Variants in SAMSN1 observed in about 807,000 individuals in gnomAD.
SAMSN1 encodes the protein SAM domain, SH3 domain and nuclear localization signals 1.
In SAMSN1, 31 loss-of-function variants were observed where a neutral mutation model predicts 42.0. The ratio of observed to expected loss-of-function variants is 0.74; its 90% CI spans 0.55 to 1.00. The LOEUF is 1.00. SAMSN1 is among the 50% of genes least tolerant of loss of function. SAMSN1 has a pLI of 0.00. For missense variants in SAMSN1, 464 were observed against 439.4 expected (o/e 1.06, Z -0.50); for synonymous variants, 178 against 151.9 (o/e 1.17, Z -1.26).
At chr21:14,486,219 G>T in intron 7 of SAMSN1, 105 bp from the exon 8 acceptor site, 1 of 753,584 alleles carries the variant, frequency 1.3e-6, no homozygotes, top group Non-Finnish European at 2.2e-6. Flanking sequence ...TTCTAACCAT[G>T]ACTTCATTAC....
intron 5 of SAMSN1, among the ~76,000 whole-genome samples, chr21:14,605,647 G>C (rs2123309692): frequency 6.6e-6 from 1 of 152,086 alleles, no homozygotes; most frequent in South Asian, 2.1e-4. Flanking sequence ...ACATTGAAGA[G>C]GCTGGCCAAA....
intron 7 of SAMSN1, among the ~76,000 whole-genome samples, chr21:14,590,128 G>A (rs1022894773): frequency 6.6e-6 from 1 of 152,066 alleles, no homozygotes; most frequent in Non-Finnish European, 1.5e-5. Flanking sequence ...CATGTATTAA[G>A]TGAAAAACCA....
chr21:14,610,052 T>C (rs1464340719), intron 4 of SAMSN1, among the ~76,000 whole-genome samples: 1 of 152,190 alleles, frequency 6.6e-6, no homozygotes, highest in African/African-American at 2.4e-5. Context: ...GTTTGAACAA[T>C]ATCAAATCTG....
intron 2 of SAMSN1, among the ~76,000 whole-genome samples, chr21:14,558,618 T>C (rs1031041050): frequency 2.0e-5 from 3 of 151,904 alleles, no homozygotes; most frequent in African/African-American, 7.3e-5. Context: ...GAGATGGAGG[T>C]TGCAGTGAGC....
intron 6 of SAMSN1, chr21:14,598,091 C>A (rs1982323127): frequency 1.3e-5 from 2 of 151,976 alleles, no homozygotes; most frequent in Non-Finnish European, 2.9e-5. Context: ...TTAATTAATT[C>A]AATTAGCAAC....
In SAMSN1 at chr21:14,612,814, G is replaced by A. The variant is rs552086359; in HGVS notation, c.235+62C>T. 16 of 680,620 alleles carry A rather than the reference G, an allele frequency of 2.4e-5. No individual in the cohort carries two copies. The East Asian group carries it at 3.8e-4, about 16-fold the overall frequency. 42.2% of individuals were successfully genotyped at this position (680,620 alleles called of 1,614,324 possible). On this transcript the variant is annotated intron_variant, in intron 4 of 15. Coordinates refer to the SAMSN1 transcript ENST00000647101. ...TTGTTGCTTTGTGGCAGGAGCAGGA[G>A]AAAAGAACTTGTGGGGAGACAGAAT...
intron 2 of SAMSN1, among the ~76,000 whole-genome samples, chr21:14,627,905 A>G (rs1365306360): frequency 1.3e-5 from 2 of 152,170 alleles, no homozygotes; most frequent in African/African-American, 4.8e-5. Flanking sequence ...TGATACAGAA[A>G]AGGGGTTTGT....
chr21:14,512,343 T>C (rs1479580938), intron 4 of SAMSN1, 101 bp downstream of exon 4: 13 of 1,208,710 alleles, frequency 1.1e-5, no homozygotes, highest in African/African-American at 1.5e-5. Flanking sequence ...ATTTCTCTTA[T>C]CAAGTAGCTG....
At chr21:14,533,990 C>T (rs1979433215) in intron 1 of SAMSN1, among the ~76,000 whole-genome samples, 1 of 152,166 alleles carries the variant, frequency 6.6e-6, no homozygotes, top group African/African-American at 2.4e-5. Flanking sequence ...TACTCTCCCA[C>T]CTATTTCTAG....
At chr21:14,642,541 C>T (rs1437457660) in intron 2 of SAMSN1, among the ~76,000 whole-genome samples, 1 of 152,098 alleles carries the variant, frequency 6.6e-6, no homozygotes, top group Non-Finnish European at 1.5e-5. Flanking sequence ...TTGAAATTGG[C>T]CATGGTGGAG....
In SAMSN1 at chr21:14,577,267, TA is replaced by T. The variant is rs1568816126; in HGVS notation, c.261+4868del. Among the ~76,000 whole-genome samples the T allele has an allele frequency of 7.2e-4, 38 of 52,820 alleles. 3 individuals are homozygous for T. The East Asian group carries it at 0.013, about 18-fold the overall frequency. The allele number at this position is 52,820 out of a possible 152,430, so 34.7% of individuals were successfully genotyped here. A position where few individuals can be genotyped will look rare whatever the true frequency, so the allele number is the denominator to read the frequency against. On this transcript the variant is annotated intron_variant, in intron 2 of 8. Transcript: ENST00000285670. ...ATATATATATATATATATATATATA[TA>T]TATATATATATATATATTTTTTTTT... is the stretch of plus-strand genomic sequence containing the variant.
chr21:14,516,174 C>G (rs568322288), intron 3 of SAMSN1, among the ~76,000 whole-genome samples: 1 of 152,092 alleles, frequency 6.6e-6, no homozygotes, highest in Non-Finnish European at 1.5e-5. Context: ...AAAAATTGAA[C>G]AGAAGTATCT....
At chr21:14,538,206 GA>G (rs1438038254) in intron 1 of SAMSN1, among the ~76,000 whole-genome samples, 1 of 152,106 alleles carries the variant, frequency 6.6e-6, no homozygotes, top group Non-Finnish European at 1.5e-5. Flanking sequence ...TTTTAAAGGG[GA>G]AAAGAGTAAA....
Position 14,599,873 on chromosome 21 carries a change from A to G in SAMSN1, c.399+2150T>C, listed in dbSNP as rs576874719. 3.9e-5 allele frequency among the ~76,000 whole-genome samples: 6 copies of G among 152,040 alleles called. No individual in the cohort carries two copies. The South Asian group carries it at 1.2e-3, about 32-fold the overall frequency. Reference sequence around the variant, plus strand: ...AGTATTTCTTTATTTTGTTTTTATTATTGTTTCTTTATTTTGTGTTGTATT... The same window carrying G: ...AGTATTTCTTTATTTTGTTTTTATTGTTGTTTCTTTATTTTGTGTTGTATT... On this transcript the variant is annotated intron_variant, in intron 6 of 15. Coordinates refer to the SAMSN1 transcript ENST00000647101.
intron 5 of SAMSN1, among the ~76,000 whole-genome samples, chr21:14,500,966 G>C (rs1340829192): frequency 2.0e-5 from 3 of 152,160 alleles, no homozygotes; most frequent in Admixed American, 2.0e-4. Flanking sequence ...ATGAGGCCAG[G>C]AGTTTGAGAC....
chr21:14,517,396 A>G (rs1204851371), intron 2 of SAMSN1, among the ~76,000 whole-genome samples: 1 of 152,232 alleles, frequency 6.6e-6, no homozygotes, highest in African/African-American at 2.4e-5. Context: ...AGGAGTTCTT[A>G]TGTCTACATA....
intron 6 of SAMSN1, among the ~76,000 whole-genome samples, chr21:14,596,308 G>A (rs183856663): frequency 1.1e-3 from 164 of 152,074 alleles, no homozygotes; most frequent in Middle Eastern, 6.8e-3. Flanking sequence ...TCAAGATAAC[G>A]AAATATAGCC....
chr21:14,622,551 A>G (rs952087931), intron 2 of SAMSN1, among the ~76,000 whole-genome samples: 1 of 152,204 alleles, frequency 6.6e-6, no homozygotes, highest in African/African-American at 2.4e-5. Flanking sequence ...ATGAAATGAA[A>G]TGAGAAGAGA....
chr21:14,509,358 T>G (rs1987573370), intron 5 of SAMSN1, among the ~76,000 whole-genome samples: 1 of 152,128 alleles, frequency 6.6e-6, no homozygotes, highest in African/African-American at 2.4e-5. Flanking sequence ...GCTATGAAGA[T>G]GCAAAGGCAT....
Sources: allele counts gnomAD v4.1 joint callset (sites outside exome capture counted in the v4.1 genomes callset), GRCh38; gene constraint gnomAD v4.1.1; transcripts MANE v1.5; gene names NCBI Gene and HGNC (gene_info 2026-07-23, HGNC 2026-07-21).